ADGRB3: variants seen among roughly 807,000 people sequenced by gnomAD.
ADGRB3 encodes brain-specific angiogenesis inhibitor 3.
A neutral mutation model predicts 193.4 loss-of-function variants in ADGRB3; 37 were observed. That is an observed-to-expected ratio of 0.19 (90% confidence interval 0.15 to 0.25). The LOEUF (loss-of-function observed/expected upper bound fraction) is 0.25, where lower values mean the gene tolerates loss of function less well. Among genes scored for constraint, ADGRB3 ranks in the 10% least tolerant of loss-of-function variants. ADGRB3 has a pLI of 1.00. For missense variants in ADGRB3, 1,637 were observed against 1,852.9 expected, an observed-to-expected ratio of 0.88 and a Z score of 2.14; for synonymous variants, 690 against 644.2, an observed-to-expected ratio of 1.07 and a Z score of -1.08.
At chr6:69,216,816 T>TTTTAAATGGTGGTCTTCAGTGGAATGA (rs1765780516) in intron 17 of ADGRB3, among the ~76,000 whole-genome samples, 1 of 152,156 alleles carries the variant, frequency 6.6e-6, no homozygotes, top group African/African-American at 2.4e-5. Flanking sequence ...TTATTGTCTA[T>TTTTAAATGGTGGTCTTCAGTGGAATGA]TTTAAATGGT....
chr6:68,764,413 A>G (rs1453189829), intron 3 of ADGRB3, among the ~76,000 whole-genome samples: 1 of 152,238 alleles, frequency 6.6e-6, no homozygotes, highest in Non-Finnish European at 1.5e-5. Flanking sequence ...GGAACTTAGA[A>G]CTGAAGCATC....
chr6:69,228,480 C>A (rs2127254441), intron 17 of ADGRB3, among the ~76,000 whole-genome samples: 1 of 152,218 alleles, frequency 6.6e-6, no homozygotes, highest in South Asian at 2.1e-4. Context: ...TATAGAGGAG[C>A]ATGGGGGAAG....
intron 20 of ADGRB3, among the ~76,000 whole-genome samples, chr6:69,251,297 C>A (rs1289707768): frequency 1.3e-5 from 2 of 152,174 alleles, no homozygotes; most frequent in African/African-American, 2.4e-5. Flanking sequence ...CTTAGAAAAG[C>A]TTTCCCTAAA....
chr6:69,232,312 C>A, intron 17 of ADGRB3: 2 of 882,044 alleles, frequency 2.3e-6, no homozygotes, highest in Non-Finnish European at 1.6e-6. Context: ...TGTAGTTCTG[C>A]TGGGGGTGGA....
At chr6:68,636,958 CAAAA>C (rs34410124) in intron 1 of ADGRB3, among the ~76,000 whole-genome samples, 14 of 119,646 alleles carry the variant, frequency 1.2e-4, no homozygotes, top group Middle Eastern at 4.6e-3. Context: ...AGTGCAACAC[CAAAA>C]AAAAAAAAAA....
chr6:68,875,091 C>T (rs1224089958), intron 3 of ADGRB3, among the ~76,000 whole-genome samples: 1 of 117,276 alleles, frequency 8.5e-6, no homozygotes. Context: ...TCTTTCATTT[C>T]TTTCTCCTTC....
intron 15 of ADGRB3, among the ~76,000 whole-genome samples, chr6:69,050,670 C>T (rs760520375): frequency 1.3e-5 from 2 of 152,004 alleles, no homozygotes; most frequent in African/African-American, 2.4e-5. Context: ...ACAGGGAATT[C>T]GTTTATATAA....
intron 3 of ADGRB3, among the ~76,000 whole-genome samples, chr6:68,852,877 C>A (rs542289160): frequency 6.6e-6 from 1 of 152,066 alleles, no homozygotes; most frequent in Non-Finnish European, 1.5e-5. Context: ...AAAATATTGG[C>A]TCTGAGTATG....
chr6:68,857,462 G>C (rs774707897), intron 3 of ADGRB3, among the ~76,000 whole-genome samples: 46 of 152,192 alleles, frequency 3.0e-4, no homozygotes, highest in Non-Finnish European at 1.5e-4. Flanking sequence ...GGAGTCAAAG[G>C]TGATCATTTT....
At chr6:68,676,224 C>T (rs1204117609) in intron 3 of ADGRB3, among the ~76,000 whole-genome samples, 2 of 151,688 alleles carry the variant, frequency 1.3e-5, no homozygotes, top group Non-Finnish European at 2.9e-5. Context: ...AACCCCGTCT[C>T]CACTAAAAGT....
intron 26 of ADGRB3, among the ~76,000 whole-genome samples, chr6:69,348,520 G>A (rs966439073): frequency 1.4e-5 from 2 of 147,004 alleles, no homozygotes; most frequent in African/African-American, 5.1e-5. Flanking sequence ...AAAATTAGCC[G>A]GGCATGGTGG....
chr6:68,884,108 C>G (rs1293267871), intron 3 of ADGRB3, among the ~76,000 whole-genome samples: 1 of 152,162 alleles, frequency 6.6e-6, no homozygotes, highest in Non-Finnish European at 1.5e-5. Context: ...GAGATCATGG[C>G]TTTGGTTTCC....
intron 3 of ADGRB3, among the ~76,000 whole-genome samples, chr6:68,843,169 A>C (rs1768198241): frequency 6.6e-6 from 1 of 152,036 alleles, no homozygotes; most frequent in Admixed American, 6.6e-5. Flanking sequence ...TAGTACTGGA[A>C]GTCCTATCTA....
intron 3 of ADGRB3, among the ~76,000 whole-genome samples, chr6:68,842,992 T>TA (rs1466367428): frequency 3.0e-5 from 4 of 134,540 alleles, no homozygotes; most frequent in African/African-American, 2.8e-5. Context: ...GTAAAAAACA[T>TA]AAAAAAAGCT....
intron 3 of ADGRB3, among the ~76,000 whole-genome samples, chr6:68,908,788 C>A (rs1766618617): frequency 6.6e-6 from 1 of 152,092 alleles, no homozygotes; most frequent in Admixed American, 6.5e-5. Context: ...TCCTCATTCA[C>A]TTCCCTGAGC....
At chr6:69,226,141 T>C (rs1339754812) in intron 17 of ADGRB3, among the ~76,000 whole-genome samples, 1 of 152,148 alleles carries the variant, frequency 6.6e-6, no homozygotes, top group Non-Finnish European at 1.5e-5. Context: ...ATATTCTTGG[T>C]TTTAATGTGT....
At chr6:69,054,685 G>C (rs1227650202) in intron 15 of ADGRB3, among the ~76,000 whole-genome samples, 2 of 152,080 alleles carry the variant, frequency 1.3e-5, no homozygotes, top group Non-Finnish European at 2.9e-5. Flanking sequence ...AGTTTGGTCA[G>C]ATATTTTAAA....
At chr6:69,305,531 C>A (rs1323841668) in intron 20 of ADGRB3, among the ~76,000 whole-genome samples, 2 of 150,850 alleles carry the variant, frequency 1.3e-5, no homozygotes, top group Non-Finnish European at 3.0e-5. Context: ...AGATTTATAC[C>A]CTTCTGCATG....
intron 11 of ADGRB3, among the ~76,000 whole-genome samples, chr6:69,012,777 T>A (rs771496783): frequency 6.6e-6 from 1 of 152,192 alleles, no homozygotes; most frequent in Middle Eastern, 3.4e-3. Flanking sequence ...AAGAGGAAAT[T>A]AAGCAGCTTT....
Sources: gnomAD v4.1 joint callset for allele counts (sites outside exome capture counted in the v4.1 genomes callset) on GRCh38, gnomAD v4.1.1 for gene constraint, MANE v1.5 for transcripts, NCBI Gene and HGNC (gene_info 2026-07-23, HGNC 2026-07-21) for gene names.